DNM3: variants seen among roughly 807,000 people sequenced by gnomAD.
DNM3 encodes the protein dynamin-3.
In DNM3, 47 loss-of-function variants were observed where a neutral mutation model predicts 101.6. The observed-to-expected ratio is 0.46, with a 90% CI of 0.37 to 0.59. The LOEUF (loss-of-function observed/expected upper bound fraction) is 0.59. DNM3 is among the 20% of genes least tolerant of loss of function. The probability of loss-of-function intolerance (pLI) is 0.00; values close to 1 mark genes in which losing one functional copy is unlikely to be tolerated. For synonymous variants in DNM3, 385 were observed against 387.9 expected (o/e 0.99, Z 0.09); for missense variants, 849 against 1,085.7 (o/e 0.78, Z 3.06).
intron 15 of DNM3, among the ~76,000 whole-genome samples, chr1:172,260,163 T>A (rs954531533): frequency 1.3e-5 from 2 of 152,150 alleles, no homozygotes; most frequent in African/African-American, 4.8e-5. Flanking sequence ...CTCTCCTGTC[T>A]TGTTAGGGTT....
chr1:172,412,875 A>AGAT (rs2071290141), downstream of DNM3, among the ~76,000 whole-genome samples: 4 of 152,224 alleles, frequency 2.6e-5, no homozygotes, highest in Admixed American at 6.5e-5. Flanking sequence ...ATTTGGAGAA[A>AGAT]GATGGGATTT....
intron 13 of DNM3, among the ~76,000 whole-genome samples, chr1:172,108,135 T>C (rs2055199139): frequency 6.6e-6 from 1 of 152,320 alleles, no homozygotes; most frequent in East Asian, 1.9e-4. Context: ...TGTTTTGTAA[T>C]TGGATAATCC....
At chr1:172,087,969 T>C (rs1465996055) in intron 12 of DNM3, among the ~76,000 whole-genome samples, 2 of 152,234 alleles carry the variant, frequency 1.3e-5, no homozygotes, top group Admixed American at 1.3e-4. Context: ...TACCATACTT[T>C]TGCTTTAACA....
chr1:172,246,690 T>C (rs1290767701), intron 14 of DNM3, among the ~76,000 whole-genome samples: 2 of 152,138 alleles, frequency 1.3e-5, no homozygotes, highest in Non-Finnish European at 2.9e-5. Context: ...AGTGAAGAGT[T>C]TGAATTTACT....
intron 1 of DNM3, among the ~76,000 whole-genome samples, chr1:171,901,328 CAA>C (rs1160900553): frequency 2.6e-5 from 4 of 151,982 alleles, no homozygotes; most frequent in African/African-American, 4.8e-5. Flanking sequence ...CACGGAGAGA[CAA>C]GAGGTGAATG....
chr1:172,036,936 A>T (rs1225914393), intron 6 of DNM3, among the ~76,000 whole-genome samples: 1 of 151,874 alleles, frequency 6.6e-6, no homozygotes, highest in East Asian at 1.9e-4. Flanking sequence ...AATGAACTCA[A>T]ACAAATTTAC....
At chr1:172,174,640 T>G (rs1223063599) in intron 14 of DNM3, among the ~76,000 whole-genome samples, 1 of 151,680 alleles carries the variant, frequency 6.6e-6, no homozygotes, top group African/African-American at 2.4e-5. Context: ...CTTGTTAATT[T>G]ACCTTATATC....
At position 172,194,036 on chromosome 1, in the gene DNM3, G is replaced by A. The variant is rs545236439; in HGVS notation, c.1660-59537G>A. On this transcript the variant is annotated intron_variant, in intron 14 of 20. Transcript: ENST00000627582. The stretch of plus-strand genomic sequence containing the variant: ...TCCCTCTACACACTGCTTTAAATGT[G>A]TCCCAGAGATTCTGGTATGTTGTGT... 8.1e-4 allele frequency among the ~76,000 whole-genome samples: 123 copies of A among 152,206 alleles called. No homozygotes were observed. In the South Asian group the frequency reaches 9.1e-3, roughly 11 times the overall value.
At chr1:172,107,708 T>C (rs2055163743) in intron 13 of DNM3, among the ~76,000 whole-genome samples, 1 of 152,222 alleles carries the variant, frequency 6.6e-6, no homozygotes, top group African/African-American at 2.4e-5. Flanking sequence ...CATTCTTGTA[T>C]ATATTTCCAA....
chr1:171,909,123 G>T (rs2039075850), intron 1 of DNM3, among the ~76,000 whole-genome samples: 1 of 152,186 alleles, frequency 6.6e-6, no homozygotes, highest in Non-Finnish European at 1.5e-5. Flanking sequence ...AGTGAAAACA[G>T]AAAGCTTTAA....
intron 13 of DNM3, among the ~76,000 whole-genome samples, chr1:172,106,412 CAAAG>C (rs1192367973): frequency 1.3e-5 from 2 of 151,204 alleles, no homozygotes; most frequent in African/African-American, 2.4e-5. Context: ...CAGAGCAAGA[CAAAG>C]AAAGAGAGAG....
At chr1:172,201,870 C>T (rs2060166334) in intron 14 of DNM3, among the ~76,000 whole-genome samples, 1 of 152,142 alleles carries the variant, frequency 6.6e-6, no homozygotes, top group South Asian at 2.1e-4. Flanking sequence ...AACAGTCTGT[C>T]TACTTTTCTA....
At chr1:172,004,019 T>C (rs1354197181) in intron 4 of DNM3, among the ~76,000 whole-genome samples, 1 of 151,982 alleles carries the variant, frequency 6.6e-6, no homozygotes, top group African/African-American at 2.4e-5. Flanking sequence ...CTTGGGTTGC[T>C]TTTAGATCAG....
At chr1:172,229,546 A>T (rs997310943) in intron 14 of DNM3, among the ~76,000 whole-genome samples, 64 of 152,248 alleles carry the variant, frequency 4.2e-4, no homozygotes, top group African/African-American at 1.5e-3. Flanking sequence ...ACATATGAAA[A>T]TGTTGTCTTT....
chr1:172,068,276 T>C (rs2125933753), intron 10 of DNM3, among the ~76,000 whole-genome samples: 1 of 152,102 alleles, frequency 6.6e-6, no homozygotes, highest in Non-Finnish European at 1.5e-5. Context: ...TGCAGTGAGC[T>C]GAGATTGCGC....
At chr1:172,157,047 T>C (rs2148266302) in intron 14 of DNM3, among the ~76,000 whole-genome samples, 1 of 152,220 alleles carries the variant, frequency 6.6e-6, no homozygotes, top group South Asian at 2.1e-4. Context: ...TTTGGGATGA[T>C]TCAAGTGCAT....
intron 14 of DNM3, chr1:172,133,203 A>T (rs1012752970): frequency 8.0e-7 from 1 of 1,248,292 alleles, no homozygotes; most frequent in Non-Finnish European, 1.0e-6. Context: ...AAATAAGCCC[A>T]TTGGAAGGTA....
intron 14 of DNM3, among the ~76,000 whole-genome samples, chr1:172,147,434 A>G (rs1011198058): frequency 2.6e-5 from 4 of 152,146 alleles, no homozygotes; most frequent in East Asian, 1.9e-4. Flanking sequence ...TAATTTGCTT[A>G]TTTCAAAAGT....
At chr1:171,950,485 A>G (rs2042452614) in intron 2 of DNM3, among the ~76,000 whole-genome samples, 1 of 152,188 alleles carries the variant, frequency 6.6e-6, no homozygotes, top group South Asian at 2.1e-4. Context: ...GAGTGCATTT[A>G]TAGTAGGCTA....
Sources: gnomAD v4.1 joint callset for allele counts (sites outside exome capture counted in the v4.1 genomes callset) on GRCh38, gnomAD v4.1.1 for gene constraint, MANE v1.5 for transcripts, NCBI Gene and HGNC (gene_info 2026-07-23, HGNC 2026-07-21) for gene names.